DLG2: variants seen among roughly 807,000 people sequenced by gnomAD.
The protein encoded by DLG2 is discs large MAGUK scaffold protein 2.
DLG2 carries 45 observed loss-of-function variants against 132.5 expected under a neutral mutation model. The observed-to-expected ratio is 0.34, with a 90% CI of 0.27 to 0.44. The LOEUF is 0.44. Ranked by LOEUF, DLG2 falls within the 20% of genes least tolerant of loss-of-function variation. DLG2 has a pLI of 1.00. For synonymous variants in DLG2, 424 were observed against 419.6 expected (o/e 1.01, Z -0.13); for missense variants, 1,045 against 1,196.9 (o/e 0.87, Z 1.87).
intron 11 of DLG2, among the ~76,000 whole-genome samples, chr11:84,053,941 T>C (rs908553166): frequency 6.6e-6 from 1 of 151,798 alleles, no homozygotes; most frequent in Non-Finnish European, 1.5e-5. Context: ...TCTATAGAGA[T>C]ATGAGAATTT....
intron 7 of DLG2, among the ~76,000 whole-genome samples, chr11:84,323,618 TG>T (rs2098416295): frequency 6.6e-6 from 1 of 152,116 alleles, no homozygotes; most frequent in Admixed American, 6.5e-5. Flanking sequence ...ACCTGCATAC[TG>T]TTTCCCATAG....
intron 15 of DLG2, among the ~76,000 whole-genome samples, chr11:83,887,369 G>T (rs905584860): frequency 2.0e-5 from 3 of 151,698 alleles, no homozygotes; most frequent in African/African-American, 7.3e-5. Context: ...TAAATTCCTC[G>T]ACACATACAC....
chr11:84,820,524 C>T (rs766984918), intron 6 of DLG2, among the ~76,000 whole-genome samples: 1 of 151,852 alleles, frequency 6.6e-6, no homozygotes, highest in Non-Finnish European at 1.5e-5. Context: ...TTTACACAAT[C>T]TTTTCCTCCA....
At chr11:85,076,691 C>A (rs1022136080) in intron 6 of DLG2, among the ~76,000 whole-genome samples, 7 of 151,972 alleles carry the variant, frequency 4.6e-5, no homozygotes, top group Non-Finnish European at 1.0e-4. Flanking sequence ...GCTAGGCAGG[C>A]ACATGTACAT....
At chr11:84,922,008 A>T (rs1273989229) in intron 6 of DLG2, among the ~76,000 whole-genome samples, 1 of 152,280 alleles carries the variant, frequency 6.6e-6, no homozygotes, top group Admixed American at 6.5e-5. Context: ...AAACATAAAT[A>T]CCTACCTGTT....
At chr11:84,206,992 GA>G (rs1036306647) in intron 8 of DLG2, among the ~76,000 whole-genome samples, 1 of 151,014 alleles carries the variant, frequency 6.6e-6, no homozygotes, top group African/African-American at 2.4e-5. Flanking sequence ...CCAACTGTTG[GA>G]AAATTAAATT....
intron 7 of DLG2, among the ~76,000 whole-genome samples, chr11:84,449,534 A>G (rs944264653): frequency 2.6e-5 from 4 of 151,776 alleles, no homozygotes; most frequent in Non-Finnish European, 5.9e-5. Flanking sequence ...GTTGTATTCT[A>G]TATGTCAGCT....
chr11:84,454,605 G>A (rs2099060465), intron 7 of DLG2, among the ~76,000 whole-genome samples: 1 of 151,354 alleles, frequency 6.6e-6, no homozygotes, highest in African/African-American at 2.4e-5. Flanking sequence ...TTCCTTAAGA[G>A]GGAATAAATA....
chr11:84,950,280 G>A (rs1006713250), intron 6 of DLG2, among the ~76,000 whole-genome samples: 1 of 151,974 alleles, frequency 6.6e-6, no homozygotes, highest in African/African-American at 2.4e-5. Flanking sequence ...ATTATGAGAA[G>A]ATTAATAAAA....
intron 18 of DLG2, among the ~76,000 whole-genome samples, chr11:83,695,022 G>T (rs1401923328): frequency 6.6e-6 from 1 of 152,134 alleles, no homozygotes. Flanking sequence ...CGAAATATTT[G>T]TTCACCACCT....
intron 18 of DLG2, among the ~76,000 whole-genome samples, chr11:83,649,358 A>C (rs1195797878): frequency 6.6e-6 from 1 of 152,088 alleles, no homozygotes; most frequent in African/African-American, 2.4e-5. Flanking sequence ...CAAAGGGAGA[A>C]AGGCTAAGAA....
intron 5 of DLG2, among the ~76,000 whole-genome samples, chr11:85,147,361 GTAGTTT>G (rs1050445806): frequency 3.9e-5 from 6 of 152,118 alleles, no homozygotes; most frequent in African/African-American, 1.4e-4. Context: ...GTTTCTCATT[GTAGTTT>G]TGATTTGCAT....
intron 6 of DLG2, among the ~76,000 whole-genome samples, chr11:84,831,055 G>A (rs960149498): frequency 7.2e-6 from 1 of 139,430 alleles, no homozygotes; most frequent in Non-Finnish European, 1.5e-5. Flanking sequence ...AGGGGCAACA[G>A]ATCTCCTAAA....
At chr11:85,233,316 C>T (rs1286019666) in intron 4 of DLG2, among the ~76,000 whole-genome samples, 1 of 151,886 alleles carries the variant, frequency 6.6e-6, no homozygotes, top group African/African-American at 2.4e-5. Flanking sequence ...TGATCACTCT[C>T]TCTTCAGAGT....
intron 14 of DLG2, among the ~76,000 whole-genome samples, chr11:83,953,438 G>A (rs1024141334): frequency 6.6e-6 from 1 of 152,172 alleles, no homozygotes; most frequent in Non-Finnish European, 1.5e-5. Context: ...TGCTCTTTAT[G>A]AGAATTGAAT....
intron 17 of DLG2, among the ~76,000 whole-genome samples, chr11:83,820,055 C>G (rs2050324263): frequency 6.6e-6 from 1 of 152,144 alleles, no homozygotes; most frequent in Non-Finnish European, 1.5e-5. Flanking sequence ...AGTTTTAATA[C>G]TGTGATCAAA....
intron 9 of DLG2, among the ~76,000 whole-genome samples, chr11:84,104,415 T>A (rs1461059939): frequency 6.6e-6 from 1 of 151,748 alleles, no homozygotes; most frequent in Non-Finnish European, 1.5e-5. Flanking sequence ...TACTGGGAAA[T>A]ATAAGAGGGA....
At chr11:85,172,444 C>T (rs75021660) in intron 4 of DLG2, among the ~76,000 whole-genome samples, 1 of 152,182 alleles carries the variant, frequency 6.6e-6, no homozygotes, top group Non-Finnish European at 1.5e-5. Flanking sequence ...AAAGACCCCA[C>T]AAAAACCCCA....
chr11:84,689,258 G>A (rs2057732190), intron 6 of DLG2, among the ~76,000 whole-genome samples: 4 of 151,968 alleles, frequency 2.6e-5, no homozygotes, highest in Admixed American at 2.6e-4. Flanking sequence ...AATGCCTAAT[G>A]TCTTGTTTTT....
Sources: allele counts gnomAD v4.1 joint callset (sites outside exome capture counted in the v4.1 genomes callset), GRCh38; gene constraint gnomAD v4.1.1; transcripts MANE v1.5; gene names NCBI Gene and HGNC (gene_info 2026-07-23, HGNC 2026-07-21).